LRFN2: variants seen among roughly 807,000 people sequenced by gnomAD.
The protein encoded by LRFN2 is leucine-rich repeat and fibronectin type-III domain-containing protein 2.
A neutral mutation model predicts 37.3 loss-of-function variants in LRFN2; 18 were observed. The ratio of observed to expected loss-of-function variants is 0.48; its 90% CI spans 0.33 to 0.72. The LOEUF is 0.72. Ranked by LOEUF, LRFN2 falls within the 30% of genes least tolerant of loss-of-function variation. The pLI is 0.02. For missense variants in LRFN2, 1,006 were observed against 1,060.7 expected, an observed-to-expected ratio of 0.95 and a Z score of 0.72; for synonymous variants, 556 against 466.6, an observed-to-expected ratio of 1.19 and a Z score of -2.47.
At chr6:40,459,318 A>G (rs1430513385) in intron 1 of LRFN2, among the ~76,000 whole-genome samples, 1 of 152,210 alleles carries the variant, frequency 6.6e-6, no homozygotes, top group Non-Finnish European at 1.5e-5. Context: ...CATAAGAGTA[A>G]TAGGCCAGAG....
chr6:40,566,143 A>G (rs1178879546), intron 1 of LRFN2, among the ~76,000 whole-genome samples: 1 of 152,276 alleles, frequency 6.6e-6, no homozygotes, highest in East Asian at 1.9e-4. Flanking sequence ...AATGCTCATC[A>G]TCACTGGCCA....
intron 1 of LRFN2, among the ~76,000 whole-genome samples, chr6:40,459,096 C>A (rs1433728): frequency 0.092 from 13,952 of 152,236 alleles, 693 homozygotes; most frequent in Admixed American, 0.14. Context: ...AACAAAAAGT[C>A]TTTCTGGTTT....
intron 1 of LRFN2, among the ~76,000 whole-genome samples, chr6:40,545,257 T>C (rs570719082): frequency 1.3e-5 from 2 of 152,204 alleles, no homozygotes; most frequent in Admixed American, 1.3e-4. Flanking sequence ...ACTGAGCAGT[T>C]ATAAACTCTT....
At chr6:40,464,390 T>C (rs187989930) in intron 1 of LRFN2, among the ~76,000 whole-genome samples, 27 of 152,322 alleles carry the variant, frequency 1.8e-4, no homozygotes, top group Admixed American at 1.7e-3. Context: ...GATTAGGTTA[T>C]GATGAATTAA....
At chr6:40,524,564 C>T (rs1205173569) in intron 1 of LRFN2, among the ~76,000 whole-genome samples, 1 of 152,188 alleles carries the variant, frequency 6.6e-6, no homozygotes, top group African/African-American at 2.4e-5. Flanking sequence ...GGAGGCCTGG[C>T]TCACGCAGGC....
chr6:40,498,130 T>C (rs1765279045), intron 1 of LRFN2, among the ~76,000 whole-genome samples: 1 of 152,094 alleles, frequency 6.6e-6, no homozygotes, highest in Non-Finnish European at 1.5e-5. Context: ...TATAGATCCG[T>C]GTCCACCGAA....
chr6:40,495,356 C>G (rs1322844715), intron 1 of LRFN2, among the ~76,000 whole-genome samples: 1 of 152,142 alleles, frequency 6.6e-6, no homozygotes, highest in Non-Finnish European at 1.5e-5. Flanking sequence ...AAATAAATAT[C>G]CTTTGACACC....
chr6:40,538,196 G>A (rs1001649891), intron 1 of LRFN2, among the ~76,000 whole-genome samples: 1 of 152,198 alleles, frequency 6.6e-6, no homozygotes, highest in Non-Finnish European at 1.5e-5. Context: ...TCAACACTGT[G>A]GGGAGGGGCA....
intron 2 of LRFN2, among the ~76,000 whole-genome samples, chr6:40,409,399 C>T (rs992228550): frequency 3.3e-5 from 5 of 152,188 alleles, no homozygotes; most frequent in African/African-American, 1.2e-4. Flanking sequence ...GGGTTCGTAA[C>T]AGCAATCATA....
rs1010756899 is a variant in LRFN2, at chr6:40,421,673, G to A, written c.1400+10041C>T. Among the ~76,000 whole-genome samples the A allele has an allele frequency of 3.3e-5, 5 of 152,172 alleles. No individual in the cohort carries two copies. The South Asian group carries it at 8.3e-4, about 25-fold the overall frequency. ...GTTCTGTCAGTAATTCCAAAAGAGA[G>A]GAGGGTATAATGAGGCACATGTGGC... On this transcript the variant is annotated intron_variant, in intron 2 of 2. Transcript: ENST00000338305.
intron 2 of LRFN2, among the ~76,000 whole-genome samples, chr6:40,419,544 A>C (rs1281344030): frequency 6.6e-6 from 1 of 152,190 alleles, no homozygotes; most frequent in Non-Finnish European, 1.5e-5. Context: ...GCTATGACTA[A>C]GGAAATTCAA....
At chr6:40,533,702 T>G (rs1216327430) in intron 1 of LRFN2, among the ~76,000 whole-genome samples, 1 of 152,064 alleles carries the variant, frequency 6.6e-6, no homozygotes, top group African/African-American at 2.4e-5. Flanking sequence ...CACATCCTGA[T>G]AGAGGAGACT....
chr6:40,392,589 A>G lies in LRFN2; in HGVS notation c.1724T>C (p.Val575Ala). The change falls in exon 3 of 3, where the codon GTG (valine) becomes GCG (alanine). Residue 575 changes from valine to alanine, a missense_variant. Val to Ala is a moderately conservative substitution (Grantham distance 64). This residue lies in a region of LRFN2 where 398 missense variants were observed against 327.6 expected (regional missense o/e 1.21). Transcript: ENST00000338305. The surrounding 1 kb of genome is among the most constrained non-coding windows in gnomAD (Gnocchi z 4.7). ...CTGGGCGCCGTTGGTCTGCGAGTACACATTGCTCACGGCCGCTGCCATCTT... is the reference window on the plus strand; with the variant it reads ...CTGGGCGCCGTTGGTCTGCGAGTACGCATTGCTCACGGCCGCTGCCATCTT... Reference protein sequence around the residue: ...PSKMAAAVSNVYSQTNGAQPP... With the variant: ...PSKMAAAVSNAYSQTNGAQPP... 2 of 1,608,378 alleles carry G rather than the reference A, an allele frequency of 1.2e-6. No individual in the cohort carries two copies. The highest frequency in any genetic ancestry group is 1.7e-6 in the Non-Finnish European group (2 of 1,179,856).
chr6:40,467,648 C>G (rs1196293815), intron 1 of LRFN2, among the ~76,000 whole-genome samples: 1 of 152,176 alleles, frequency 6.6e-6, no homozygotes, highest in Non-Finnish European at 1.5e-5. Flanking sequence ...TCAAGGACAT[C>G]TCCATGGCAG....
chr6:40,398,271 C>A (rs1190373117), intron 2 of LRFN2, among the ~76,000 whole-genome samples: 3 of 151,906 alleles, frequency 2.0e-5, no homozygotes, highest in African/African-American at 7.2e-5. Context: ...TGCCCAATGT[C>A]CTCTGGGGGC....
intron 1 of LRFN2, among the ~76,000 whole-genome samples, chr6:40,465,869 C>T (rs1764449832): frequency 6.6e-6 from 1 of 152,046 alleles, no homozygotes; most frequent in South Asian, 2.1e-4. Context: ...CCACTGCTGC[C>T]CTCAGGTAAG....
intron 2 of LRFN2, among the ~76,000 whole-genome samples, chr6:40,410,142 A>C (rs1190952137): frequency 6.6e-6 from 1 of 152,128 alleles, no homozygotes; most frequent in African/African-American, 2.4e-5. Context: ...CCAACCCTGG[A>C]GTCAGCAGGA....
At chr6:40,561,767 G>A (rs1766999934) in intron 1 of LRFN2, among the ~76,000 whole-genome samples, 2 of 152,288 alleles carry the variant, frequency 1.3e-5, no homozygotes, top group South Asian at 4.1e-4. Flanking sequence ...TGGTGGGAGA[G>A]TCAGGAAGGA....
At chr6:40,547,872 C>T (rs955776897) in intron 1 of LRFN2, among the ~76,000 whole-genome samples, 3 of 152,116 alleles carry the variant, frequency 2.0e-5, no homozygotes, top group East Asian at 1.9e-4. Flanking sequence ...GTTACCAGCC[C>T]CAGGGTATTT....
Sources: allele counts gnomAD v4.1 joint callset (sites outside exome capture counted in the v4.1 genomes callset), GRCh38; gene constraint gnomAD v4.1.1; regional missense constraint gnomAD v4.1.1; non-coding constraint Gnocchi (gnomAD v3.1); transcripts MANE v1.5; gene names NCBI Gene and HGNC (gene_info 2026-07-23, HGNC 2026-07-21).